The following SLC17A5 variants were observed in gnomAD, a reference collection of about 807,000 sequenced individuals.
SLC17A5 encodes solute carrier family 17 member 5.
SLC17A5 carries 47 observed loss-of-function variants against 59.4 expected under a neutral mutation model. The observed-to-expected ratio is 0.79, with a 90% CI of 0.63 to 1.01. The LOEUF (loss-of-function observed/expected upper bound fraction) is 1.01. SLC17A5 is among the 50% of genes least tolerant of loss of function. The pLI is 0.00. For synonymous variants in SLC17A5, 202 were observed against 210.7 expected (o/e 0.96, Z 0.36); for missense variants, 522 against 595.5 (o/e 0.88, Z 1.28).
intron 7 of SLC17A5, among the ~76,000 whole-genome samples, chr6:73,620,878 T>G (rs1768109972): frequency 6.6e-6 from 1 of 151,716 alleles, no homozygotes; most frequent in Non-Finnish European, 1.5e-5. Context: ...TAGGCCACCA[T>G]GCCCGGTTAA....
At chr6:73,618,781 G>T (rs1348934790) in intron 7 of SLC17A5, among the ~76,000 whole-genome samples, 1 of 152,132 alleles carries the variant, frequency 6.6e-6, no homozygotes, top group Non-Finnish European at 1.5e-5. Flanking sequence ...CTGGAGTGCA[G>T]TGGTGTGATC....
At chr6:73,642,726 G>A (rs1006324734) in intron 2 of SLC17A5, among the ~76,000 whole-genome samples, 2 of 152,200 alleles carry the variant, frequency 1.3e-5, no homozygotes, top group Non-Finnish European at 2.9e-5. Flanking sequence ...GTATAACAAA[G>A]CCAACATGTC....
At chr6:73,603,711 C>T (rs999836346) in intron 9 of SLC17A5, among the ~76,000 whole-genome samples, 5 of 152,088 alleles carry the variant, frequency 3.3e-5, no homozygotes, top group South Asian at 2.1e-4. Flanking sequence ...CGAGCCACTG[C>T]GCCTGGCCTA....
chr6:73,649,883 T>C (rs1032303580), intron 1 of SLC17A5, among the ~76,000 whole-genome samples: 2 of 152,092 alleles, frequency 1.3e-5, no homozygotes, highest in Non-Finnish European at 2.9e-5. Context: ...AGGTTCTCAG[T>C]GAAACACAGG....
intron 1 of SLC17A5, chr6:73,653,031 G>A: frequency 2.0e-6 from 2 of 985,052 alleles, no homozygotes; most frequent in South Asian, 9.4e-5. Flanking sequence ...TTTTCGATTT[G>A]TTCCAAGACC....
At chr6:73,637,961 G>C (rs1316699855) in intron 4 of SLC17A5, among the ~76,000 whole-genome samples, 2 of 152,128 alleles carry the variant, frequency 1.3e-5, no homozygotes, top group East Asian at 3.8e-4. Context: ...TGCATGAAGA[G>C]AGGGGTTGAG....
At position 73,596,862 on chromosome 6, in the gene SLC17A5, C is replaced by A. The variant is rs796353401; in HGVS notation, c.1351-1648G>T. On this transcript the variant is annotated intron_variant, in intron 10 of 10. Coordinates refer to ENST00000355773, the MANE Select transcript of SLC17A5 (RefSeq NM_012434.5). ...ACAGAGCAAGACTCCCTCTCAAAAA[C>A]AAAACAAAACAAAACTGGTTGGGCG... Among the ~76,000 whole-genome samples the A allele has an allele frequency of 1.6e-3, 246 of 150,422 alleles. 1 individual carries two copies. Among genetic ancestry groups the A allele is most frequent in the African/African-American group, 5.6e-3 (230 of 40,888 alleles).
Position 73,635,607 on chromosome 6 carries a change from T to C in SLC17A5, c.701-107A>G, listed in dbSNP as rs1161517417. ...AAGCACCAACAACAATTTTTACATGTCTTGAAAAAATTATGTAACTATAAA... is the reference window on the plus strand; with the variant it reads ...AAGCACCAACAACAATTTTTACATGCCTTGAAAAAATTATGTAACTATAAA... On this transcript the variant is annotated intron_variant, in intron 5 of 10. Transcript: ENST00000355773. The C allele has an allele frequency of 4.8e-6, 3 of 626,146 alleles. No homozygotes were observed. The African/African-American group carries it at 5.5e-5, about 12-fold the overall frequency. 38.8% of individuals were successfully genotyped at this position (626,146 alleles called of 1,614,324 possible). A position where few individuals can be genotyped will look rare whatever the true frequency, so the allele number is the denominator to read the frequency against.
intron 2 of SLC17A5, 137 bp downstream of exon 2, chr6:73,644,270 A>G (rs1769433298): frequency 1.4e-6 from 1 of 702,478 alleles, no homozygotes; most frequent in East Asian, 2.7e-5. Context: ...AGTTCCTGGG[A>G]AAACACAAAA....
intron 6 of SLC17A5, among the ~76,000 whole-genome samples, chr6:73,633,201 G>T (rs539980464): frequency 1.4e-5 from 2 of 146,362 alleles, no homozygotes; most frequent in East Asian, 2.0e-4. Context: ...TTTTTTGCTG[G>T]GAAGACTCAG....
chr6:73,650,201 A>C (rs1327204033), intron 1 of SLC17A5, among the ~76,000 whole-genome samples: 2 of 49,480 alleles, frequency 4.0e-5, no homozygotes, highest in Non-Finnish European at 1.3e-4. Context: ...TTTCTACAAA[A>C]AAAAAAAAAA....
chr6:73,621,589 C>A (rs912104167), intron 7 of SLC17A5, among the ~76,000 whole-genome samples: 1 of 152,092 alleles, frequency 6.6e-6, no homozygotes, highest in Non-Finnish European at 1.5e-5. Flanking sequence ...GGATACTAGA[C>A]CCTTATTAGA....
intron 6 of SLC17A5, among the ~76,000 whole-genome samples, chr6:73,632,909 AT>A (rs1386069716): frequency 1.3e-5 from 2 of 151,762 alleles, no homozygotes; most frequent in Non-Finnish European, 2.9e-5. Context: ...AATGTGTTAA[AT>A]TTTTTTTACC....
At chr6:73,610,691 G>T in intron 8 of SLC17A5, 144 bp from the exon 9 acceptor site, 3 of 703,036 alleles carry the variant, frequency 4.3e-6, no homozygotes, top group Non-Finnish European at 6.9e-6. Flanking sequence ...AATTTCATGA[G>T]AAAAAAAAAA....
intron 6 of SLC17A5, among the ~76,000 whole-genome samples, chr6:73,631,721 C>CT (rs1768721381): frequency 6.6e-6 from 1 of 151,854 alleles, no homozygotes; most frequent in Admixed American, 6.6e-5. Flanking sequence ...TGTCCTGTAC[C>CT]TTACAGCACT....
At chr6:73,601,200 G>C (rs527637842) in intron 9 of SLC17A5, among the ~76,000 whole-genome samples, 1 of 149,088 alleles carries the variant, frequency 6.7e-6, no homozygotes, top group South Asian at 2.1e-4. Context: ...CCGCCGCCCC[G>C]TCTGGGATGT....
At chr6:73,601,196 C>A (rs375796780) in intron 9 of SLC17A5, among the ~76,000 whole-genome samples, 2,141 of 149,656 alleles carry the variant, frequency 0.014, 43 homozygotes, top group East Asian at 0.1. Flanking sequence ...TGCCCCGCCG[C>A]CCCGTCTGGG....
At chr6:73,653,668 C>A (rs1387345659) in intron 1 of SLC17A5, 125 bp downstream of exon 1, 6 of 1,089,668 alleles carry the variant, frequency 5.5e-6, no homozygotes, top group Non-Finnish European at 7.9e-6. Context: ...CTTAATGTCC[C>A]CTCGCGCCTG....
At position 73,595,190 on chromosome 6, in the gene SLC17A5, C is replaced by T. The variant is rs555461560; in HGVS notation, c.1375G>A (p.Val459Met). 1.1e-4 allele frequency: 177 copies of T among 1,613,928 alleles called. 1 individual carries two copies. The highest frequency in any genetic ancestry group is 1.5e-4 in the South Asian group (14 of 91,084). Residue 459 changes from valine (V) to methionine (M), a missense_variant, in exon 11 of 11, where the codon GTG (valine) becomes ATG (methionine). By Grantham distance (21) the Val-to-Met change is conservative. Around this residue, in one of 3 missense-constraint regions of SLC17A5, gnomAD observed 153 missense variants for 168.5 expected, o/e 0.91. Coordinates refer to ENST00000355773, the MANE Select transcript of SLC17A5 (RefSeq NM_012434.5). ...TTAATAGCAGCAGCAATATAGAACA[C>T]GGTTTGCCATTCTCCAACAGTGTTC... ...PDNTVGEWQT[V>M]FYIAAAINVF...
Sources: allele counts gnomAD v4.1 joint callset (sites outside exome capture counted in the v4.1 genomes callset), GRCh38; gene constraint gnomAD v4.1.1; regional missense constraint gnomAD v4.1.1; transcripts MANE v1.5; gene names NCBI Gene and HGNC (gene_info 2026-07-23, HGNC 2026-07-21).